Variants in PDE4D observed in about 807,000 individuals in gnomAD.
PDE4D encodes the protein 3',5'-cyclic-AMP phosphodiesterase 4D.
Under a neutral mutation model 87.4 loss-of-function variants are expected in PDE4D, and 24 were observed. That is an observed-to-expected ratio of 0.27 (90% CI 0.20 to 0.39). The LOEUF (loss-of-function observed/expected upper bound fraction) is 0.39, where lower values mean the gene tolerates loss of function less well. Ranked by LOEUF, PDE4D falls within the 10% of genes least tolerant of loss-of-function variation. PDE4D has a pLI of 1.00. For missense variants in PDE4D, 714 were observed against 1,041.0 expected (o/e 0.69, Z 4.32); for synonymous variants, 384 against 383.2 (o/e 1.00, Z -0.02).
intron 5 of PDE4D, chr5:59,091,254 G>T (rs1457383061): frequency 1.3e-5 from 5 of 384,712 alleles, no homozygotes; most frequent in Non-Finnish European, 2.1e-5. Flanking sequence ...TTAAAGATAT[G>T]CATGACCCAT....
At chr5:60,508,253 C>T (rs1229327517) in intron 1 of PDE4D, among the ~76,000 whole-genome samples, 1 of 152,190 alleles carries the variant, frequency 6.6e-6, no homozygotes, top group East Asian at 1.9e-4. Context: ...CTAGTCGATA[C>T]CTGTTCCAGG....
intron 1 of PDE4D, among the ~76,000 whole-genome samples, chr5:60,327,115 G>T (rs769066381): frequency 3.9e-5 from 6 of 152,010 alleles, no homozygotes; most frequent in Non-Finnish European, 7.4e-5. Flanking sequence ...AGGTAGACCT[G>T]ATAATGAAAT....
chr5:60,108,208 A>G (rs1332304833), intron 2 of PDE4D, among the ~76,000 whole-genome samples: 1 of 151,876 alleles, frequency 6.6e-6, no homozygotes, highest in Non-Finnish European at 1.5e-5. Flanking sequence ...ATTCTTATAC[A>G]GCAACAACAG....
chr5:59,177,015 C>A (rs1379431121), intron 5 of PDE4D, among the ~76,000 whole-genome samples: 3 of 152,186 alleles, frequency 2.0e-5, no homozygotes, highest in Non-Finnish European at 4.4e-5. Context: ...TGTTCCCTTT[C>A]CTTCGTTTGT....
chr5:60,216,768 C>A (rs1405496477), intron 1 of PDE4D, among the ~76,000 whole-genome samples: 1 of 151,916 alleles, frequency 6.6e-6, no homozygotes, highest in African/African-American at 2.4e-5. Context: ...ATTTATGCCA[C>A]CAATAGGACA....
intron 1 of PDE4D, among the ~76,000 whole-genome samples, chr5:60,434,636 ATAT>A (rs1327227686): frequency 2.6e-5 from 4 of 152,192 alleles, no homozygotes; most frequent in African/African-American, 9.6e-5. Context: ...TGTAATTCAG[ATAT>A]TATGCAGAAA....
intron 1 of PDE4D, among the ~76,000 whole-genome samples, chr5:59,380,405 AAGAG>A (rs1311123470): frequency 2.9e-5 from 4 of 137,922 alleles, no homozygotes; most frequent in African/African-American, 8.1e-5. Context: ...AAAAAAAAAA[AAGAG>A]AGAGAAAGAA....
At chr5:59,772,741 G>C (rs1276688717) in intron 1 of PDE4D, among the ~76,000 whole-genome samples, 2 of 152,186 alleles carry the variant, frequency 1.3e-5, no homozygotes, top group Non-Finnish European at 2.9e-5. Flanking sequence ...GTTCTAATTA[G>C]ATAAACAAGG....
chr5:60,030,317 G>A (rs1767103993), intron 2 of PDE4D, among the ~76,000 whole-genome samples: 1 of 152,102 alleles, frequency 6.6e-6, no homozygotes, highest in South Asian at 2.1e-4. Flanking sequence ...GGGCGCGGTG[G>A]CGGGCACCTG....
chr5:60,131,543 C>A (rs1327370317), intron 2 of PDE4D, among the ~76,000 whole-genome samples: 1 of 152,178 alleles, frequency 6.6e-6, no homozygotes, highest in Admixed American at 6.5e-5. Flanking sequence ...CTCTTATAAT[C>A]CTGCTCCTCT....
intron 3 of PDE4D, among the ~76,000 whole-genome samples, chr5:59,926,400 A>T (rs563673614): frequency 5.1e-4 from 78 of 152,236 alleles, no homozygotes; most frequent in African/African-American, 1.4e-3. Flanking sequence ...TATCAAAAAA[A>T]GAAGAAAAAC....
At chr5:59,502,407 G>A (rs1808444119) in intron 1 of PDE4D, among the ~76,000 whole-genome samples, 1 of 152,028 alleles carries the variant, frequency 6.6e-6, no homozygotes, top group African/African-American at 2.4e-5. Flanking sequence ...ACCAATGGAG[G>A]TATTAGATCA....
chr5:59,052,418 G>C (rs1261559358), intron 5 of PDE4D, among the ~76,000 whole-genome samples: 1 of 152,116 alleles, frequency 6.6e-6, no homozygotes, highest in Admixed American at 6.5e-5. Flanking sequence ...GGGATATAGA[G>C]TTGAACACTT....
chr5:59,140,116 A>T (rs1355653800), intron 5 of PDE4D, among the ~76,000 whole-genome samples: 1 of 152,040 alleles, frequency 6.6e-6, no homozygotes, highest in Non-Finnish European at 1.5e-5. Context: ...AACTTGAAAA[A>T]CTCAATTCAA....
At chr5:59,036,471 G>A (rs1258641905) in intron 6 of PDE4D, among the ~76,000 whole-genome samples, 3 of 152,198 alleles carry the variant, frequency 2.0e-5, no homozygotes, top group Non-Finnish European at 4.4e-5. Context: ...GAGTGGAGAT[G>A]ATGCAAGCTG....
At chr5:59,124,073 G>A (rs1476552259) in intron 5 of PDE4D, among the ~76,000 whole-genome samples, 2 of 151,872 alleles carry the variant, frequency 1.3e-5, no homozygotes, top group Non-Finnish European at 2.9e-5. Flanking sequence ...AATGTAATCA[G>A]GGGGGAACAA....
chr5:60,295,611 T>G (rs1265781773), intron 1 of PDE4D, among the ~76,000 whole-genome samples: 1 of 152,160 alleles, frequency 6.6e-6, no homozygotes, highest in Non-Finnish European at 1.5e-5. Context: ...AGTAGCACCC[T>G]TCCTCTAGCT....
intron 1 of PDE4D, among the ~76,000 whole-genome samples, chr5:59,845,936 C>G (rs1239582929): frequency 6.6e-6 from 1 of 152,028 alleles, no homozygotes; most frequent in Non-Finnish European, 1.5e-5. Context: ...AGCTGAGTGA[C>G]TCATCTGGGA....
At chr5:59,315,587 T>C (rs549731744) in intron 1 of PDE4D, among the ~76,000 whole-genome samples, 3 of 152,146 alleles carry the variant, frequency 2.0e-5, no homozygotes, top group Admixed American at 2.0e-4. Context: ...TCTTCAGGAA[T>C]GATAGATGGT....
Sources: gnomAD v4.1 joint callset for allele counts (sites outside exome capture counted in the v4.1 genomes callset) on GRCh38, gnomAD v4.1.1 for gene constraint, MANE v1.5 for transcripts, NCBI Gene and HGNC (gene_info 2026-07-23, HGNC 2026-07-21) for gene names.